Variants in KDM4C observed in about 807,000 individuals in gnomAD.
KDM4C encodes lysine demethylase 4C, also known as lysine-specific demethylase 4C.
Under a neutral mutation model 129.3 loss-of-function variants are expected in KDM4C, and 81 were observed. The ratio of observed to expected loss-of-function variants is 0.63; its 90% CI spans 0.52 to 0.75. KDM4C has a LOEUF of 0.75. Ranked by LOEUF, KDM4C falls within the 30% of genes least tolerant of loss-of-function variation. KDM4C has a pLI of 0.00. For missense variants in KDM4C, 1,457 were observed against 1,304.0 expected (o/e 1.12, Z -1.81); for synonymous variants, 573 against 456.1 (o/e 1.26, Z -3.26).
chr9:7,087,190 C>G (rs1313249082), intron 17 of KDM4C, among the ~76,000 whole-genome samples: 1 of 150,454 alleles, frequency 6.6e-6, no homozygotes, highest in East Asian at 2.0e-4. Flanking sequence ...AGGCATATAA[C>G]TCAGAAAGAG....
chr9:6,972,513 T>G (rs1269073575), intron 8 of KDM4C, among the ~76,000 whole-genome samples: 1 of 152,180 alleles, frequency 6.6e-6, no homozygotes, highest in Non-Finnish European at 1.5e-5. Flanking sequence ...TAATTCAAAA[T>G]TATCTGCTTA....
chr9:6,936,724 G>T (rs149314320), intron 8 of KDM4C, among the ~76,000 whole-genome samples: 8 of 152,300 alleles, frequency 5.3e-5, no homozygotes, highest in African/African-American at 1.9e-4. Flanking sequence ...TAGTGTAGTA[G>T]GTTAAGAGCA....
chr9:6,811,782 G>A (rs771119501), intron 3 of KDM4C, among the ~76,000 whole-genome samples: 1 of 152,074 alleles, frequency 6.6e-6, no homozygotes, highest in Non-Finnish European at 1.5e-5. Context: ...ATGAATGGAA[G>A]CCTGAGTTTA....
At chr9:6,858,003 G>A (rs539266289) in intron 5 of KDM4C, among the ~76,000 whole-genome samples, 1 of 147,898 alleles carries the variant, frequency 6.8e-6, no homozygotes, top group African/African-American at 2.5e-5. Context: ...AGCTAAGGCA[G>A]TCTACCCACG....
chr9:7,102,835 C>G (rs1014568858), intron 17 of KDM4C, among the ~76,000 whole-genome samples: 4 of 152,142 alleles, frequency 2.6e-5, no homozygotes, highest in African/African-American at 7.2e-5. Flanking sequence ...CTTTCCAGAC[C>G]TAACCCTATG....
intron 17 of KDM4C, among the ~76,000 whole-genome samples, chr9:7,054,555 G>A (rs1293863337): frequency 6.6e-6 from 1 of 152,182 alleles, no homozygotes. Flanking sequence ...TCACACAGAA[G>A]GAAGAAGGCG....
intron 4 of KDM4C, among the ~76,000 whole-genome samples, chr9:6,822,758 A>C (rs1009231467): frequency 6.6e-6 from 1 of 152,240 alleles, no homozygotes; most frequent in Admixed American, 6.5e-5. Context: ...AGAGGGACTG[A>C]GAGAAAATAA....
chr9:6,921,806 CT>C (rs930478889), intron 8 of KDM4C, among the ~76,000 whole-genome samples: 2 of 152,054 alleles, frequency 1.3e-5, no homozygotes, highest in African/African-American at 4.8e-5. Flanking sequence ...CCATCTTTGA[CT>C]TCGAGTTTTA....
At chr9:6,834,574 C>T in intron 4 of KDM4C, 1 of 722,268 alleles carries the variant, frequency 1.4e-6, no homozygotes, top group South Asian at 1.5e-5. Context: ...ACCCCAAGCA[C>T]CAGGGCATGA....
intron 12 of KDM4C, among the ~76,000 whole-genome samples, chr9:6,991,723 T>C (rs779351300): frequency 6.6e-6 from 1 of 152,206 alleles, no homozygotes; most frequent in East Asian, 1.9e-4. Flanking sequence ...TTTTCACTTA[T>C]GTCCCATGTT....
intron 8 of KDM4C, among the ~76,000 whole-genome samples, chr9:6,898,047 G>C (rs114711151): frequency 6.6e-6 from 1 of 152,078 alleles, no homozygotes; most frequent in Middle Eastern, 3.2e-3. Context: ...AGCGCCGGCC[G>C]GCAGGTTGTA....
rs1035717567 is a variant in KDM4C, at chr9:7,150,252, C to T, written c.2782-14986C>T. ...TTTAAGGCCTGTATTATTGCTCTCA[C>T]CACAACTTGTCCTGAGAGAGGTGTC... is the stretch of plus-strand genomic sequence containing the variant. On this transcript the variant is annotated intron_variant, in intron 19 of 21. Transcript: ENST00000381309. 2.6e-5 allele frequency among the ~76,000 whole-genome samples: 4 copies of T among 152,226 alleles called. No homozygotes were observed. The South Asian group carries it at 6.2e-4, about 24-fold the overall frequency.
At chr9:6,958,361 G>C (rs1207852572) in intron 8 of KDM4C, among the ~76,000 whole-genome samples, 1 of 152,108 alleles carries the variant, frequency 6.6e-6, no homozygotes, top group African/African-American at 2.4e-5. Context: ...AAGATGAGTG[G>C]ATTATCTGAG....
intron 8 of KDM4C, among the ~76,000 whole-genome samples, chr9:6,938,137 T>G (rs1355455641): frequency 2.0e-5 from 3 of 152,186 alleles, no homozygotes; most frequent in Admixed American, 1.3e-4. Flanking sequence ...ATGCTCCAGA[T>G]CACCTGCACT....
chr9:6,986,467 G>C lies in KDM4C; in HGVS notation c.1478G>C (p.Gly493Ala). The change falls in exon 11 of 22, where the codon GGC becomes GCC. Residue 493 changes from glycine to alanine, a missense_variant. Physicochemically the swap from Gly to Ala is moderately conservative, Grantham distance 60. Coordinates refer to ENST00000381309, the MANE Select transcript of KDM4C (RefSeq NM_015061.6). ...EADDSIPLSS[G>A]YEKPEKSDPS... is the part of the protein sequence containing the mutation. ...GATGATTCCATTCCATTGTCTAGTG[G>C]CTATGAGAAGCCCGAGAAATCAGAC... 2 of 1,614,106 alleles carry C rather than the reference G, an allele frequency of 1.2e-6. No homozygotes were observed. Among genetic ancestry groups the C allele is most frequent in the Non-Finnish European group, 1.7e-6 (2 of 1,180,012 alleles).
chr9:7,038,552 T>A (rs1017931990), intron 15 of KDM4C, among the ~76,000 whole-genome samples: 6 of 152,118 alleles, frequency 3.9e-5, no homozygotes, highest in African/African-American at 1.2e-4. Context: ...ATTTTGACAT[T>A]ACAAATAAAA....
chr9:7,124,453 T>C (rs1457868102), intron 18 of KDM4C, among the ~76,000 whole-genome samples: 2 of 152,048 alleles, frequency 1.3e-5, no homozygotes, highest in Admixed American at 1.3e-4. Context: ...CTAGAGTTAG[T>C]TGTAACCTGT....
At chr9:6,856,376 A>T (rs1340983683) in intron 5 of KDM4C, among the ~76,000 whole-genome samples, 1 of 152,156 alleles carries the variant, frequency 6.6e-6, no homozygotes, top group African/African-American at 2.4e-5. Context: ...GTCTAGAAAA[A>T]ATGCACTTAG....
intron 11 of KDM4C, among the ~76,000 whole-genome samples, 199 bp from the exon 12 acceptor site, chr9:6,990,217 C>G (rs2821451): frequency 0.99 from 151,244 of 152,300 alleles, 75,105 homozygotes; most frequent in East Asian, 1. Flanking sequence ...TGACCTCTGG[C>G]TAAAATTACT....
Sources: allele counts gnomAD v4.1 joint callset (sites outside exome capture counted in the v4.1 genomes callset), GRCh38; gene constraint gnomAD v4.1.1; transcripts MANE v1.5; gene names NCBI Gene and HGNC (gene_info 2026-07-23, HGNC 2026-07-21).